The following FBXL20 variants were observed in gnomAD, a reference collection of about 807,000 sequenced individuals.
The protein encoded by FBXL20 is F-box and leucine rich repeat protein 20, also known as F-box/LRR-repeat protein 20.
Under a neutral mutation model 64.0 loss-of-function variants are expected in FBXL20, and 11 were observed. That is an observed-to-expected ratio of 0.17 (90% CI 0.11 to 0.28). FBXL20 has a LOEUF of 0.28. Among genes scored for constraint, FBXL20 ranks in the 10% least tolerant of loss-of-function variants. FBXL20 has a pLI of 1.00. For missense variants in FBXL20, 303 were observed against 526.2 expected, an observed-to-expected ratio of 0.58 and a Z score of 4.15; for synonymous variants, 184 against 189.0, an observed-to-expected ratio of 0.97 and a Z score of 0.22.
chr17:39,321,239 G>A (rs964403753), intron 2 of FBXL20, among the ~76,000 whole-genome samples: 3 of 151,846 alleles, frequency 2.0e-5, no homozygotes, highest in Admixed American at 2.0e-4. Context: ...GGATCACGAG[G>A]TCAGGAGTTT....
At chr17:39,337,296 T>C (rs892073831) in intron 2 of FBXL20, among the ~76,000 whole-genome samples, 7 of 152,162 alleles carry the variant, frequency 4.6e-5, no homozygotes, top group Admixed American at 4.6e-4. Flanking sequence ...TGCTCAATGG[T>C]GCCCAGGCTG....
intron 2 of FBXL20, among the ~76,000 whole-genome samples, chr17:39,306,743 T>A (rs558387290): frequency 6.6e-6 from 1 of 152,358 alleles, no homozygotes; most frequent in African/African-American, 2.4e-5. Flanking sequence ...GTTTCAAGAA[T>A]CTTCCCTTAG....
chr17:39,401,485 C>CGGGACG lies in FBXL20; in HGVS notation c.-89_-84dup. 1.3e-6 allele frequency: 2 copies of CGGGACG among 1,520,062 alleles called. No individual in the cohort carries two copies. Among genetic ancestry groups the CGGGACG allele is most frequent in the Non-Finnish European group, 1.8e-6 (2 of 1,137,426 alleles). 94.2% of individuals were successfully genotyped at this position (1,520,062 alleles called of 1,614,324 possible). On this transcript the variant is annotated 5_prime_UTR_variant, in exon 1 of 15. Transcript: ENST00000264658. Reference sequence around the variant, plus strand: ...GGGCCCAGGACAGGCCCGGGAGTTCCGGGACGGGGACTGGGCGCCGGAGGG... The same window carrying CGGGACG: ...GGGCCCAGGACAGGCCCGGGAGTTCCGGGACGGGGACGGGGACTGGGCGCCGGAGGG...
chr17:39,402,108 C>T (rs1375460212), upstream of FBXL20: 2 of 1,216,968 alleles, frequency 1.6e-6, no homozygotes, highest in Non-Finnish European at 2.1e-6. Context: ...GTCACTTGTT[C>T]CCCAGGATCC....
intron 1 of FBXL20, among the ~76,000 whole-genome samples, chr17:39,399,030 T>G (rs2048215233): frequency 6.6e-6 from 1 of 152,138 alleles, no homozygotes; most frequent in African/African-American, 2.4e-5. Flanking sequence ...AGTGGGAGAT[T>G]TAAGGTGTGT....
chr17:39,389,475 C>T (rs1341900953), intron 1 of FBXL20, among the ~76,000 whole-genome samples: 1 of 151,994 alleles, frequency 6.6e-6, no homozygotes, highest in Non-Finnish European at 1.5e-5. Context: ...AAAATAAATG[C>T]AGGCCAAGTG....
chr17:39,401,955 C>G (rs993352359), upstream of FBXL20: 7 of 443,772 alleles, frequency 1.6e-5, no homozygotes, highest in Non-Finnish European at 2.2e-5. Context: ...TGCTCGCGGA[C>G]CAGCGAGGGA....
intron 1 of FBXL20, among the ~76,000 whole-genome samples, chr17:39,394,356 T>C (rs1374579748): frequency 6.8e-6 from 1 of 148,046 alleles, no homozygotes; most frequent in Admixed American, 7.0e-5. Flanking sequence ...CACTGCAAGC[T>C]CCACCTCCCA....
At chr17:39,299,263 C>A (rs1264636369) in intron 4 of FBXL20, among the ~76,000 whole-genome samples, 179 bp from the exon 5 acceptor site, 11 of 152,176 alleles carry the variant, frequency 7.2e-5, no homozygotes, top group Admixed American at 7.2e-4. Flanking sequence ...TCATTTGCAT[C>A]ATGCCTAAAC....
intron 2 of FBXL20, among the ~76,000 whole-genome samples, chr17:39,327,813 G>C (rs1473281060): frequency 6.6e-6 from 1 of 152,058 alleles, no homozygotes; most frequent in Non-Finnish European, 1.5e-5. Flanking sequence ...CCATTCTCCT[G>C]CCTCAGCCTT....
At position 39,265,444 on chromosome 17, in the gene FBXL20, T is replaced by C; in HGVS notation, c.943A>G (p.Ser315Gly). Residue 315 changes from serine to glycine, a missense_variant, in exon 13 of 15, where the codon AGC becomes GGC. Ser to Gly is a moderately conservative substitution (Grantham distance 56). This residue lies in a region of FBXL20 where 246 missense variants were observed against 422.6 expected (regional missense o/e 0.58). Transcript: ENST00000264658. ...TGTATAGAAAGTTGGATTAATGTGC[T>C]ATCTGTTATCTGAAAGAAATAACGT... ...DLEECVQITD[S>G]TLIQLSIHCP... 1.2e-6 allele frequency: 2 copies of C among 1,606,678 alleles called. No homozygotes were observed. Among genetic ancestry groups the C allele is most frequent in the Non-Finnish European group, 1.7e-6 (2 of 1,173,320 alleles).
chr17:39,359,866 T>A (rs920339382), intron 1 of FBXL20, among the ~76,000 whole-genome samples: 2 of 152,178 alleles, frequency 1.3e-5, no homozygotes, highest in African/African-American at 4.8e-5. Context: ...AAGGCAGAAG[T>A]CACTCAGGTG....
intron 1 of FBXL20, among the ~76,000 whole-genome samples, chr17:39,388,933 T>C: frequency 6.7e-6 from 1 of 149,854 alleles, no homozygotes; most frequent in East Asian, 2.0e-4. Flanking sequence ...GAAACCCCCA[T>C]CTCTACTAAA....
At chr17:39,320,056 T>A (rs1003674958) in intron 2 of FBXL20, among the ~76,000 whole-genome samples, 1 of 152,200 alleles carries the variant, frequency 6.6e-6, no homozygotes, top group African/African-American at 2.4e-5. Flanking sequence ...TATTTTCCCA[T>A]GAATTTTCTG....
intron 1 of FBXL20, among the ~76,000 whole-genome samples, chr17:39,370,715 AAC>A (rs2047909215): frequency 6.6e-6 from 1 of 150,896 alleles, no homozygotes; most frequent in African/African-American, 2.4e-5. Context: ...GAATGGCGTG[AAC>A]CTGGGAGGCG....
At chr17:39,374,155 G>A (rs1304541768) in intron 1 of FBXL20, among the ~76,000 whole-genome samples, 1 of 151,972 alleles carries the variant, frequency 6.6e-6, no homozygotes, top group African/African-American at 2.4e-5. Flanking sequence ...AACCTGGGAG[G>A]TGGAAGTTGC....
At position 39,282,698 on chromosome 17, in the gene FBXL20, C is replaced by T. The variant is rs150361719; in HGVS notation, c.621+31G>A. On this transcript the variant is annotated intron_variant, in intron 8 of 14. Transcript: ENST00000264658. ...GCTCATGATTCATTCACGATTCTTC[C>T]GAATTTCACGAGCCCTACATGGAGT... 140 of 1,613,776 alleles carry T rather than the reference C, an allele frequency of 8.7e-5. No homozygotes were observed. In the African/African-American group the frequency reaches 1.5e-3, roughly 17 times the overall value.
intron 1 of FBXL20, among the ~76,000 whole-genome samples, chr17:39,395,900 G>C (rs1353681565): frequency 6.6e-6 from 1 of 152,058 alleles, no homozygotes; most frequent in Non-Finnish European, 1.5e-5. Flanking sequence ...CTCATTACCA[G>C]GTTAGCAGAA....
chr17:39,261,461 C>A lies in FBXL20; in HGVS notation c.1310G>T (p.Ter437LeuextTer10). The A allele has an allele frequency of 1.2e-6, 2 of 1,612,592 alleles. No homozygotes were observed. Among genetic ancestry groups the A allele is most frequent in the South Asian group, 2.2e-5 (2 of 91,028 alleles). Residue 437 changes from the stop codon to leucine (L), a stop_lost, in exon 15 of 15, where the codon TGA becomes TTA. Coordinates refer to ENST00000264658, the MANE Select transcript of FBXL20 (RefSeq NM_032875.3). ...CGCCAAGGTTGACCACCTCCATTGT[C>A]ATAGGATGATGCAGCATCTGCAGAA... ...QRFCRCCIIL[*>L]
Sources: gnomAD v4.1 joint callset for allele counts (sites outside exome capture counted in the v4.1 genomes callset) on GRCh38, gnomAD v4.1.1 for gene constraint, gnomAD v4.1.1 regional missense constraint, MANE v1.5 for transcripts, NCBI Gene and HGNC (gene_info 2026-07-23, HGNC 2026-07-21) for gene names.